SLC25A3: variants seen among roughly 807,000 people sequenced by gnomAD.
The protein encoded by SLC25A3 is solute carrier family 25 member 3.
SLC25A3 carries 14 observed loss-of-function variants against 37.1 expected under a neutral mutation model. The ratio of observed to expected loss-of-function variants is 0.38; its 90% CI spans 0.25 to 0.59. The LOEUF (loss-of-function observed/expected upper bound fraction) is 0.59. Ranked by LOEUF, SLC25A3 falls within the 20% of genes least tolerant of loss-of-function variation. The pLI is 0.67. For synonymous variants in SLC25A3, 161 were observed against 168.7 expected, an observed-to-expected ratio of 0.95 and a Z score of 0.36; for missense variants, 385 against 458.1, an observed-to-expected ratio of 0.84 and a Z score of 1.46.
Position 98,604,862 on chromosome 12 carries a change from A to G in SLC25A3, c.*3334A>G, listed in dbSNP as rs992993695. Reference sequence around the variant, plus strand: ...CTGCAGCCTCGATCTCCCAAGCTCAAGTGATCCTCCCACCTCAGCCTCTTG... The same window carrying G: ...CTGCAGCCTCGATCTCCCAAGCTCAGGTGATCCTCCCACCTCAGCCTCTTG... On this transcript the variant is annotated 3_prime_UTR_variant, in exon 8 of 8. Coordinates refer to ENST00000552981, the MANE Select transcript of SLC25A3 (RefSeq NM_002635.4). 6.5e-6 allele frequency: 1 copy of G among 152,698 alleles called. No homozygotes were observed. Among genetic ancestry groups the G allele is most frequent in the Non-Finnish European group, 1.5e-5 (1 of 68,312 alleles). The allele number at this position is 152,698 out of a possible 1,614,324, so 9.5% of individuals were successfully genotyped here.
chr12:98,594,376 T>C lies in SLC25A3; in HGVS notation c.157+241T>C, dbSNP rs74933553. On this transcript the variant is annotated intron_variant, in intron 2 of 7. Transcript: ENST00000552981. ...CCTGTGTCCCTTCGTGACCTCCGTGTGCCCGAGGGAAGAGAGGCCGTGACT... is the reference window on the plus strand; with the variant it reads ...CCTGTGTCCCTTCGTGACCTCCGTGCGCCCGAGGGAAGAGAGGCCGTGACT... 9.9e-3 allele frequency: 6,925 copies of C among 701,244 alleles called. 289 individuals are homozygous for C. The highest frequency in any genetic ancestry group is 0.098 in the African/African-American group (5,588 of 57,304). 43.4% of individuals were successfully genotyped at this position (701,244 alleles called of 1,614,324 possible).
In SLC25A3 at chr12:98,601,405, T is replaced by G; in HGVS notation, c.963T>G (p.Ile321Met). ...GACTGTTTGCCCGTATCATCATGAT[T>G]GGTACCCTGACTGCACTACAGTGGT... ...WKGLFARIIM[I>M]GTLTALQWFI... Residue 321 changes from isoleucine (I) to methionine (M), a missense_variant, in exon 8 of 8, where the codon ATT (isoleucine) becomes ATG (methionine). Ile to Met is a conservative substitution (Grantham distance 10, BLOSUM62 1). Transcript: ENST00000552981. 1 of 1,614,004 alleles carries G rather than the reference T, an allele frequency of 6.2e-7. No homozygotes were observed. The highest frequency in any genetic ancestry group is 1.1e-5 in the South Asian group (1 of 91,082).
chr12:98,597,011 T>C (rs927888948), intron 3 of SLC25A3, among the ~76,000 whole-genome samples: 46 of 152,094 alleles, frequency 3.0e-4, no homozygotes, highest in African/African-American at 9.9e-4. Flanking sequence ...AGAGCAAGAC[T>C]CAAAAAACAA....
Position 98,601,802 on chromosome 12 carries a change from A to G in SLC25A3, c.*274A>G, listed in dbSNP as rs1190035622. 1 of 387,410 alleles carries G rather than the reference A, an allele frequency of 2.6e-6. No homozygotes were observed. Among genetic ancestry groups the G allele is most frequent in the Non-Finnish European group, 4.7e-6 (1 of 211,734 alleles). 24.0% of individuals were successfully genotyped at this position (387,410 alleles called of 1,614,324 possible). A position where few individuals can be genotyped will look rare whatever the true frequency, so the allele number is the denominator to read the frequency against. ...AGTATATAAGTTAAGGAAAAAATAC[A>G]AAACTGACCATGACCATTGTTGGTT... On this transcript the variant is annotated 3_prime_UTR_variant, in exon 8 of 8. Transcript: ENST00000552981.
In SLC25A3 at chr12:98,602,831, T is replaced by C. The variant is rs1158415729; in HGVS notation, c.*1303T>C. ...TGGTTAACAGTCCCTACGTAAAGCG[T>C]ACAGATGGCCTGGAGAGAAAAACTT... On this transcript the variant is annotated 3_prime_UTR_variant, in exon 8 of 8. Transcript: ENST00000552981. 1 of 152,220 alleles carries C rather than the reference T, an allele frequency of 6.6e-6. No individual in the cohort carries two copies. The highest frequency in any genetic ancestry group is 2.4e-5 in the African/African-American group (1 of 41,454). The allele number at this position is 152,220 out of a possible 1,614,324, so 9.4% of individuals were successfully genotyped here. A position where few individuals can be genotyped will look rare whatever the true frequency, so the allele number is the denominator to read the frequency against.
chr12:98,602,760 T>G lies in SLC25A3; in HGVS notation c.*1232T>G, dbSNP rs975503666. On this transcript the variant is annotated 3_prime_UTR_variant, in exon 8 of 8. Coordinates refer to ENST00000552981, the MANE Select transcript of SLC25A3 (RefSeq NM_002635.4). ...AGTGTAATATATAACATGCTGTTTT[T>G]CAAACACTAGATTTTACCTAGAGTC... 3 of 152,214 alleles carry G rather than the reference T, an allele frequency of 2.0e-5. No homozygotes were observed. In the South Asian group the frequency reaches 6.2e-4, roughly 32 times the overall value. 9.4% of individuals were successfully genotyped at this position (152,214 alleles called of 1,614,324 possible).
At chr12:98,596,905 G>A (rs2097593456) in intron 3 of SLC25A3, among the ~76,000 whole-genome samples, 1 of 152,130 alleles carries the variant, frequency 6.6e-6, no homozygotes. Context: ...TGTAGTCGCA[G>A]CTACTCGGGA....
chr12:98,600,924 C>G (rs2097597339), intron 6 of SLC25A3: 1 of 427,750 alleles, frequency 2.3e-6, no homozygotes, highest in Admixed American at 3.8e-5. Context: ...CTTACTGTTG[C>G]ACCATTTTTT....
intron 2 of SLC25A3, chr12:98,595,132 G>A: frequency 5.1e-6 from 2 of 393,290 alleles, no homozygotes; most frequent in South Asian, 2.4e-5. Flanking sequence ...TCTGAAGTGT[G>A]CTCTTACCAG....
Position 98,606,217 on chromosome 12 carries a change from GAAAC to G in SLC25A3, c.*4693_*4696del, listed in dbSNP as rs1319871251. 2 of 152,174 alleles carry G rather than the reference GAAAC, an allele frequency of 1.3e-5. No individual in the cohort carries two copies. Among genetic ancestry groups the G allele is most frequent in the African/African-American group, 4.8e-5 (2 of 41,416 alleles). The allele number at this position is 152,174 out of a possible 1,614,324, so 9.4% of individuals were successfully genotyped here. A position where few individuals can be genotyped will look rare whatever the true frequency, so the allele number is the denominator to read the frequency against. On this transcript the variant is annotated 3_prime_UTR_variant, in exon 8 of 8. Coordinates refer to ENST00000552981, the MANE Select transcript of SLC25A3 (RefSeq NM_002635.4). ...AAAATCCTGGATATCACATAGTTGA[GAAAC>G]AAAGTTATTTTAAACTTACAGGACT...
chr12:98,600,965 A>G (rs2097597369), intron 6 of SLC25A3: 1 of 517,434 alleles, frequency 1.9e-6, no homozygotes, highest in Non-Finnish European at 3.4e-6. Context: ...TTTATACAGA[A>G]AGTGTTGAAT....
At chr12:98,599,866 G>T in intron 5 of SLC25A3, 89 bp from the exon 6 acceptor site, 1 of 1,386,244 alleles carries the variant, frequency 7.2e-7, no homozygotes, top group South Asian at 1.2e-5. Flanking sequence ...ATCAGGACTC[G>T]ACTCGTGTGC....
intron 5 of SLC25A3, chr12:98,599,556 A>G (rs2097595967): frequency 2.2e-6 from 1 of 453,270 alleles, no homozygotes; most frequent in Admixed American, 2.5e-5. Context: ...TGTTTGGCCT[A>G]AACATTTACT....
At chr12:98,594,271 G>T (rs1327589637) in intron 2 of SLC25A3, 136 bp downstream of exon 2, 2 of 772,102 alleles carry the variant, frequency 2.6e-6, no homozygotes, top group South Asian at 1.4e-5. Flanking sequence ...CCAGTTGCTT[G>T]CCCTGGGGTA....
rs1451622658 is a variant in SLC25A3 at position 98,597,973 on chromosome 12, G to A, written c.397G>A (p.Gly133Arg). The change falls in exon 4 of 8, where the codon GGA becomes AGA. Residue 133 changes from glycine to arginine, a missense_variant. Gly to Arg is a moderately radical substitution (Grantham distance 125). Transcript: ENST00000552981. ...GACTTTCCTTGGCTACTCCATGCAGGGACTCTGCAAGTTTGGCTTTTATGA... is the reference window on the plus strand; with the variant it reads ...GACTTTCCTTGGCTACTCCATGCAGAGACTCTGCAAGTTTGGCTTTTATGA... ...APTFLGYSMQGLCKFGFYEVF... is the reference protein window; with the variant it reads ...APTFLGYSMQRLCKFGFYEVF... 1 of 1,613,728 alleles carries A rather than the reference G, an allele frequency of 6.2e-7. No homozygotes were observed. Among genetic ancestry groups the A allele is most frequent in the South Asian group, 1.1e-5 (1 of 91,066 alleles).
At position 98,593,718 on chromosome 12, in the gene SLC25A3, T is replaced by G; in HGVS notation, c.-27T>G. Reference sequence around the variant, plus strand: ...AGCCGCAACCTTTCCAAGGGAGTGGTTGTGTGATCGCCATCTTAGGGAGTG... The same window carrying G: ...AGCCGCAACCTTTCCAAGGGAGTGGGTGTGTGATCGCCATCTTAGGGAGTG... On this transcript the variant is annotated 5_prime_UTR_variant, in exon 1 of 8. Transcript: ENST00000552981. The G allele has an allele frequency of 1.8e-6, 1 of 563,510 alleles. No homozygotes were observed. 34.9% of individuals were successfully genotyped at this position (563,510 alleles called of 1,614,324 possible).
chr12:98,597,700 A>G (rs1187399598), intron 3 of SLC25A3, 156 bp from the exon 4 acceptor site: 1 of 1,023,626 alleles, frequency 9.8e-7, no homozygotes, highest in Non-Finnish European at 1.4e-6. Flanking sequence ...CTGGGATTAC[A>G]GATGTGAGCC....
intron 4 of SLC25A3, chr12:98,598,320 C>A: frequency 1.2e-6 from 1 of 831,592 alleles, no homozygotes; most frequent in Non-Finnish European, 1.8e-6. Flanking sequence ...CGGGGCATGG[C>A]ATCTAGATAT....
chr12:98,599,686 C>G (rs759497510), intron 5 of SLC25A3: 3 of 622,086 alleles, frequency 4.8e-6, no homozygotes, highest in South Asian at 2.8e-5. Flanking sequence ...CTGAGTTCCA[C>G]TTGTAAACTT....
Sources: allele counts gnomAD v4.1 joint callset (sites outside exome capture counted in the v4.1 genomes callset), GRCh38; gene constraint gnomAD v4.1.1; transcripts MANE v1.5; gene names NCBI Gene and HGNC (gene_info 2026-07-23, HGNC 2026-07-21).